The following PKN2 variants were observed in gnomAD, a reference collection of about 807,000 sequenced individuals.
The protein encoded by PKN2 is serine/threonine-protein kinase N2.
PKN2 carries 38 observed loss-of-function variants against 119.1 expected under a neutral mutation model. The observed-to-expected ratio is 0.32, with a 90% CI of 0.25 to 0.42. The LOEUF (loss-of-function observed/expected upper bound fraction) is 0.42. Ranked by LOEUF, PKN2 falls within the 10% of genes least tolerant of loss-of-function variation. PKN2 has a pLI of 1.00. For synonymous variants in PKN2, 390 were observed against 384.9 expected, an observed-to-expected ratio of 1.01 and a Z score of -0.15; for missense variants, 850 against 1,165.1, an observed-to-expected ratio of 0.73 and a Z score of 3.94.
chr1:88,789,952 G>T (rs572919255), intron 8 of PKN2, among the ~76,000 whole-genome samples: 108 of 152,104 alleles, frequency 7.1e-4, no homozygotes, highest in African/African-American at 2.1e-3. Flanking sequence ...CTCCCTTAGG[G>T]CCACTAAATA....
chr1:88,771,517 T>C lies in PKN2; in HGVS notation c.719T>C (p.Met240Thr). Residue 240 changes from methionine (M) to threonine (T), a missense_variant, in exon 5 of 22, where the codon ATG becomes ACG. Physicochemically the swap from Met to Thr is moderately conservative, Grantham distance 81 (BLOSUM62 -1). This residue lies in a region of PKN2 where 350 missense variants were observed against 511.1 expected (regional missense o/e 0.68). Coordinates refer to ENST00000370521, the MANE Select transcript of PKN2 (RefSeq NM_006256.4). ...FAVAEGAKNV[M>T]KLLGSGKVTD... ...GTAGCAGAAGGTGCAAAGAATGTAA[T>C]GAAATTACTTGGCTCAGGAAAAGTA... 6.2e-7 allele frequency: 1 copy of C among 1,607,106 alleles called. No individual in the cohort carries two copies. The highest frequency in any genetic ancestry group is 2.2e-5 in the East Asian group (1 of 44,646).
intron 1 of PKN2, among the ~76,000 whole-genome samples, chr1:88,710,584 A>G (rs1336028495): frequency 6.6e-5 from 10 of 152,232 alleles, no homozygotes; most frequent in Non-Finnish European, 1.2e-4. Flanking sequence ...CAGAAATGCA[A>G]ATCAAAACCA....
intron 8 of PKN2, among the ~76,000 whole-genome samples, chr1:88,787,332 ACTAG>A (rs1397286024): frequency 1.3e-5 from 2 of 152,134 alleles, no homozygotes; most frequent in African/African-American, 4.8e-5. Context: ...AGGGAAAATG[ACTAG>A]CTAGGAGATT....
intron 2 of PKN2, 141 bp downstream of exon 2, chr1:88,741,429 T>G (rs999876505): frequency 5.5e-6 from 3 of 540,650 alleles, no homozygotes; most frequent in Non-Finnish European, 9.3e-6. Flanking sequence ...GGTTAAGGTC[T>G]TATTTATATT....
intron 1 of PKN2, among the ~76,000 whole-genome samples, chr1:88,686,317 T>C (rs1666096799): frequency 6.6e-6 from 1 of 152,130 alleles, no homozygotes; most frequent in Admixed American, 6.5e-5. Context: ...GGTACTTGTA[T>C]GTTATAGAAA....
Position 88,804,515 on chromosome 1 carries a change from A to G in PKN2, c.1406A>G (p.Gln469Arg), listed in dbSNP as rs1318213165. The change falls in exon 9 of 22, where the codon CAG (glutamine) becomes CGG (arginine). Residue 469 changes from glutamine to arginine, a missense_variant. Transcript: ENST00000370521. Reference sequence around the variant, plus strand: ...GGCATGTGTCTCTATTTGGAACCACAGGGTACTTTATTTGCAGAGGTAATA... The same window carrying G: ...GGCATGTGTCTCTATTTGGAACCACGGGGTACTTTATTTGCAGAGGTAATA... ...RHGMCLYLEP[Q>R]GTLFAEVTFF... 6.2e-7 allele frequency: 1 copy of G among 1,612,668 alleles called. No homozygotes were observed. Among genetic ancestry groups the G allele is most frequent in the Non-Finnish European group, 8.5e-7 (1 of 1,179,408 alleles).
At chr1:88,811,360 T>G (rs945256946) in intron 15 of PKN2, among the ~76,000 whole-genome samples, 6 of 152,256 alleles carry the variant, frequency 3.9e-5, no homozygotes, top group African/African-American at 1.4e-4. Flanking sequence ...ACTATTTATA[T>G]AAGTTTTCAG....
Position 88,756,746 on chromosome 1 carries a change from C to T in PKN2, c.350-3476C>T, listed in dbSNP as rs188433910. 2.7e-4 allele frequency among the ~76,000 whole-genome samples: 41 copies of T among 152,194 alleles called. No individual in the cohort carries two copies. In the East Asian group the frequency reaches 7.3e-3, roughly 27 times the overall value. On this transcript the variant is annotated intron_variant, in intron 2 of 21. Transcript: ENST00000370521. ...GAACTGTTCAGTCATTGTTATAATG[C>T]GTAGTTCAATTATGGACTTAACGGA...
chr1:88,690,448 A>G (rs553961580), intron 1 of PKN2, among the ~76,000 whole-genome samples: 7 of 152,356 alleles, frequency 4.6e-5, no homozygotes, highest in East Asian at 3.9e-4. Context: ...TCAAAAGCCA[A>G]TTTTACTCTA....
intron 20 of PKN2, 87 bp from the exon 21 acceptor site, chr1:88,832,990 T>C: frequency 7.5e-7 from 1 of 1,340,554 alleles, no homozygotes; most frequent in South Asian, 1.4e-5. Flanking sequence ...AGACAAAATA[T>C]ATCTAAGTTT....
rs1667641636 is a variant in PKN2 at position 88,720,695 on chromosome 1, G to A, written c.49-20293G>A. ...TTTGGTTACATGGATAAGTTATTTA[G>A]TGGTGATTTCTGAGATTTTGGTGCA... On this transcript the variant is annotated intron_variant, in intron 1 of 21. Transcript: ENST00000370521. 6.6e-5 allele frequency among the ~76,000 whole-genome samples: 10 copies of A among 152,072 alleles called. 1 individual carries two copies. The highest frequency in any genetic ancestry group is 6.6e-4 in the Admixed American group (10 of 15,262).
At chr1:88,775,020 T>C (rs1304808018) in intron 6 of PKN2, among the ~76,000 whole-genome samples, 2 of 152,220 alleles carry the variant, frequency 1.3e-5, no homozygotes. Context: ...CTATTCTTAC[T>C]TTTCTTATTC....
intron 8 of PKN2, among the ~76,000 whole-genome samples, chr1:88,794,466 T>C (rs958901802): frequency 2.0e-4 from 30 of 152,028 alleles, no homozygotes; most frequent in African/African-American, 7.2e-4. Flanking sequence ...TTAGCCAAGT[T>C]TGGGGCACAA....
intron 1 of PKN2, among the ~76,000 whole-genome samples, chr1:88,709,185 C>T (rs1271715126): frequency 2.6e-5 from 4 of 151,930 alleles, no homozygotes; most frequent in African/African-American, 9.7e-5. Flanking sequence ...TCCCGAGTAG[C>T]TGGGATTACA....
intron 6 of PKN2, among the ~76,000 whole-genome samples, chr1:88,776,672 G>A (rs138470292): frequency 0.012 from 1,782 of 151,914 alleles, 42 homozygotes; most frequent in African/African-American, 0.04. Context: ...CGCGGGAGGC[G>A]GAGGTTGCAG....
chr1:88,794,032 TG>T (rs1286323102), intron 8 of PKN2, among the ~76,000 whole-genome samples: 2 of 152,212 alleles, frequency 1.3e-5, no homozygotes, highest in African/African-American at 4.8e-5. Context: ...TTTACTCCTT[TG>T]TCATTTTAAA....
At position 88,684,467 on chromosome 1, in the gene PKN2, GT is replaced by G. The variant is rs553554095; in HGVS notation, c.-101del. On this transcript the variant is annotated 5_prime_UTR_variant, in exon 1 of 22. Transcript: ENST00000370521. ...GCTGCGCCTCCATGAATCCCTAGTT[GT>G]TTTTTTTTTTTTCTTTCTCTCCCCT... 0.09 allele frequency: 56,768 copies of G among 631,270 alleles called. 924 individuals are homozygous for G. The highest frequency in any genetic ancestry group is 0.2 in the African/African-American group (9,817 of 49,542). The allele number at this position is 631,270 out of a possible 1,614,324, so 39.1% of individuals were successfully genotyped here.
chr1:88,793,988 T>G (rs928852173), intron 8 of PKN2, among the ~76,000 whole-genome samples: 1 of 152,198 alleles, frequency 6.6e-6, no homozygotes, highest in Non-Finnish European at 1.5e-5. Flanking sequence ...TACCACTATT[T>G]AAACTTCTTT....
chr1:88,753,278 C>T (rs1468277544), intron 2 of PKN2, among the ~76,000 whole-genome samples: 1 of 152,112 alleles, frequency 6.6e-6, no homozygotes, highest in Non-Finnish European at 1.5e-5. Context: ...GAAATCTAAG[C>T]CACTTTATCT....
Sources: allele counts gnomAD v4.1 joint callset (sites outside exome capture counted in the v4.1 genomes callset), GRCh38; gene constraint gnomAD v4.1.1; regional missense constraint gnomAD v4.1.1; transcripts MANE v1.5; gene names NCBI Gene and HGNC (gene_info 2026-07-23, HGNC 2026-07-21).